The following LRP1B variants were observed in gnomAD, a reference collection of about 807,000 sequenced individuals.
The protein encoded by LRP1B is low-density lipoprotein receptor-related protein 1B.
In LRP1B, 217 loss-of-function variants were observed where a neutral mutation model predicts 556.6. The observed-to-expected ratio is 0.39, with a 90% CI of 0.35 to 0.44. LRP1B has a LOEUF of 0.44. Ranked by LOEUF, LRP1B falls within the 20% of genes least tolerant of loss-of-function variation. The pLI, the probability that LRP1B is intolerant of heterozygous loss-of-function variation, is 1.00. For missense variants in LRP1B, 5,053 were observed against 5,620.8 expected, an observed-to-expected ratio of 0.90 and a Z score of 3.23; for synonymous variants, 2,047 against 1,865.8, an observed-to-expected ratio of 1.10 and a Z score of -2.50.
intron 17 of LRP1B, among the ~76,000 whole-genome samples, chr2:140,988,507 T>C (rs1242134890): frequency 2.0e-5 from 3 of 152,036 alleles, no homozygotes; most frequent in Non-Finnish European, 2.9e-5. Flanking sequence ...TGTTGTTTTG[T>C]ACATAGGGAA....
chr2:141,521,499 C>T (rs1346106696), intron 2 of LRP1B, among the ~76,000 whole-genome samples: 1 of 142,590 alleles, frequency 7.0e-6, no homozygotes, highest in Non-Finnish European at 1.6e-5. Flanking sequence ...GAGAAATTTT[C>T]ATCTTTACTT....
rs756278595 is a variant in LRP1B at position 140,536,586 on chromosome 2, T to A, written c.7637A>T (p.Tyr2546Phe). Residue 2546 changes from tyrosine (Y) to phenylalanine (F), a missense_variant, in exon 46 of 91, where the codon TAC becomes TTC. Tyr to Phe is a conservative substitution (Grantham distance 22). Transcript: ENST00000389484. ...CKDKSDEKLL[Y>F]CENRSCRRGF... ...AACCCATATTGGACACTTACCACAGTAGAGCAGTTTTTCATCTGATTTATC... is the reference window on the plus strand; with the variant it reads ...AACCCATATTGGACACTTACCACAGAAGAGCAGTTTTTCATCTGATTTATC... 1 of 1,609,052 alleles carries A rather than the reference T, an allele frequency of 6.2e-7. No individual in the cohort carries two copies. Among genetic ancestry groups the A allele is most frequent in the South Asian group, 1.1e-5 (1 of 90,182 alleles).
chr2:141,680,693 AAAT>A (rs1384230555), intron 2 of LRP1B, among the ~76,000 whole-genome samples: 2 of 152,200 alleles, frequency 1.3e-5, no homozygotes, highest in Admixed American at 1.3e-4. Context: ...AGAAGCTATG[AAAT>A]AATATTTGCA....
intron 1 of LRP1B, among the ~76,000 whole-genome samples, chr2:142,089,270 A>T (rs1574672553): frequency 6.6e-6 from 1 of 152,198 alleles, no homozygotes; most frequent in African/African-American, 2.4e-5. Context: ...ATACTGTAGA[A>T]CATACAGAAA....
intron 41 of LRP1B, among the ~76,000 whole-genome samples, chr2:140,684,342 G>A (rs764683826): frequency 1.3e-5 from 2 of 152,092 alleles, no homozygotes; most frequent in Non-Finnish European, 2.9e-5. Context: ...GATGTCTTTC[G>A]AATGGTGACT....
intron 29 of LRP1B, 39 bp downstream of exon 29, chr2:140,850,063 C>G (rs1448619079): frequency 7.8e-6 from 10 of 1,277,030 alleles, no homozygotes; most frequent in Non-Finnish European, 1.1e-5. Context: ...AACTGAATAA[C>G]AAACACTTTT....
At chr2:140,600,551 T>TC (rs1682613901) in intron 42 of LRP1B, among the ~76,000 whole-genome samples, 1 of 152,116 alleles carries the variant, frequency 6.6e-6, no homozygotes, top group African/African-American at 2.4e-5. Context: ...TATTCTTCAA[T>TC]CTTTTTTTTG....
chr2:140,908,111 T>C, intron 21 of LRP1B, 34 bp from the exon 22 acceptor site: 2 of 1,556,034 alleles, frequency 1.3e-6, no homozygotes, highest in Non-Finnish European at 1.8e-6. Flanking sequence ...AGTTTGATTT[T>C]TGTGATTAGG....
intron 2 of LRP1B, among the ~76,000 whole-genome samples, chr2:141,665,978 A>G (rs1170326117): frequency 1.3e-5 from 2 of 152,120 alleles, no homozygotes; most frequent in Non-Finnish European, 2.9e-5. Context: ...GGGTGGTGGC[A>G]GTGGGAGAAA....
At chr2:140,260,216 A>G (rs191203621) in intron 86 of LRP1B, among the ~76,000 whole-genome samples, 259 of 152,000 alleles carry the variant, frequency 1.7e-3, no homozygotes, top group Non-Finnish European at 2.8e-3. Context: ...CCATCCTGCC[A>G]TTTCAAAAAC....
intron 76 of LRP1B, 134 bp downstream of exon 76, chr2:140,352,819 G>A: frequency 1.2e-6 from 1 of 823,894 alleles, no homozygotes; most frequent in Non-Finnish European, 1.9e-6. Context: ...CTAACCAACT[G>A]GCCAAATTAA....
intron 63 of LRP1B, among the ~76,000 whole-genome samples, chr2:140,447,810 C>T (rs530894510): frequency 2.0e-5 from 3 of 152,112 alleles, no homozygotes; most frequent in Admixed American, 6.6e-5. Flanking sequence ...TTCTTCCTTT[C>T]GCTGGAACAC....
At chr2:140,904,310 T>C (rs1213630719) in intron 22 of LRP1B, among the ~76,000 whole-genome samples, 4 of 152,102 alleles carry the variant, frequency 2.6e-5, no homozygotes, top group African/African-American at 4.8e-5. Context: ...ATTAGGTACA[T>C]AGAAATAAGG....
intron 11 of LRP1B, among the ~76,000 whole-genome samples, chr2:141,031,241 T>C (rs1698359583): frequency 7.2e-6 from 1 of 139,018 alleles, no homozygotes; most frequent in Admixed American, 7.8e-5. Flanking sequence ...TATAATGGCA[T>C]ATATACATAT....
At chr2:141,172,293 G>A (rs192056469) in intron 7 of LRP1B, among the ~76,000 whole-genome samples, 1 of 152,158 alleles carries the variant, frequency 6.6e-6, no homozygotes, top group African/African-American at 2.4e-5. Context: ...TGGCCTGTGT[G>A]TACTTCTACA....
chr2:141,429,980 C>G (rs993977453), intron 3 of LRP1B, among the ~76,000 whole-genome samples: 2 of 152,176 alleles, frequency 1.3e-5, no homozygotes, highest in Non-Finnish European at 2.9e-5. Context: ...AACAGTCTGT[C>G]TGAGGGCCTT....
At chr2:140,243,769 TC>T (rs1375459154) in intron 87 of LRP1B, among the ~76,000 whole-genome samples, 1 of 151,118 alleles carries the variant, frequency 6.6e-6, no homozygotes, top group Non-Finnish European at 1.5e-5. Flanking sequence ...TGGTCTTCTT[TC>T]AGTCTGCTGG....
intron 3 of LRP1B, among the ~76,000 whole-genome samples, chr2:141,394,928 T>G (rs946704961): frequency 6.6e-6 from 1 of 152,118 alleles, no homozygotes; most frequent in Non-Finnish European, 1.5e-5. Context: ...GAAACTTGAA[T>G]GTTGCCTAGG....
intron 84 of LRP1B, among the ~76,000 whole-genome samples, chr2:140,288,293 C>T (rs1683240397): frequency 6.6e-6 from 1 of 151,524 alleles, no homozygotes; most frequent in Non-Finnish European, 1.5e-5. Flanking sequence ...AAAACAGACT[C>T]ATAATACCAG....
Sources: allele counts gnomAD v4.1 joint callset (sites outside exome capture counted in the v4.1 genomes callset), GRCh38; gene constraint gnomAD v4.1.1; transcripts MANE v1.5; gene names NCBI Gene and HGNC (gene_info 2026-07-23, HGNC 2026-07-21).